The following MTARC1 variants were observed in gnomAD, a reference collection of about 807,000 sequenced individuals.
MTARC1 encodes the protein mitochondrial amidoxime reducing component 1.
Under a neutral mutation model 33.6 loss-of-function variants are expected in MTARC1, and 24 were observed. The observed-to-expected ratio is 0.72, with a 90% confidence interval of 0.52 to 1.01. MTARC1 has a LOEUF of 1.01. MTARC1 is among the 50% of genes least tolerant of loss of function. The pLI is 0.00. For missense variants in MTARC1, 417 were observed against 445.7 expected, an observed-to-expected ratio of 0.94 and a Z score of 0.58; for synonymous variants, 187 against 189.5, an observed-to-expected ratio of 0.99 and a Z score of 0.11.
rs909601412 is a variant in MTARC1, at chr1:220,813,706, C to T, written c.*288C>T. ...AACTGATTATGGAATAGTTCTTTCT[C>T]CTGCTTCTCCGTTTATCTACCAAGA... On this transcript the variant is annotated 3_prime_UTR_variant, in exon 7 of 7. Coordinates refer to ENST00000366910, the MANE Select transcript of MTARC1 (RefSeq NM_022746.4). 13 of 327,042 alleles carry T rather than the reference C, an allele frequency of 4.0e-5. No individual in the cohort carries two copies. The highest frequency in any genetic ancestry group is 2.5e-4 in the African/African-American group (12 of 47,808). The allele number at this position is 327,042 out of a possible 1,614,324, so 20.3% of individuals were successfully genotyped here.
Position 220,805,185 on chromosome 1 carries a change from C to T in MTARC1, c.816-18C>T. ...GCTCTGCTCTGTCCCCCTTATGATG[C>T]TCTGTGTGTGTGTCCAGATGCATTT... is the stretch of plus-strand genomic sequence containing the variant. On this transcript the variant is annotated intron_variant, in intron 5 of 6. Coordinates refer to ENST00000366910, the MANE Select transcript of MTARC1 (RefSeq NM_022746.4). 2 of 1,614,062 alleles carry T rather than the reference C, an allele frequency of 1.2e-6. No individual in the cohort carries two copies. The highest frequency in any genetic ancestry group is 8.5e-7 in the Non-Finnish European group (1 of 1,180,016).
intron 2 of MTARC1, chr1:220,793,853 G>C (rs1187221580): frequency 6.6e-6 from 1 of 152,214 alleles, no homozygotes; most frequent in Admixed American, 6.6e-5. Context: ...GTGTGCAGGT[G>C]GGGTGCTGGG....
intron 6 of MTARC1, among the ~76,000 whole-genome samples, chr1:220,811,985 TACAGG>T (rs1311968134): frequency 6.6e-6 from 1 of 152,166 alleles, no homozygotes; most frequent in Non-Finnish European, 1.5e-5. Context: ...GCCCTGACAT[TACAGG>T]ACAAGATGTG....
intron 6 of MTARC1, among the ~76,000 whole-genome samples, chr1:220,811,396 C>T (rs1673130161): frequency 6.6e-6 from 1 of 152,238 alleles, no homozygotes; most frequent in African/African-American, 2.4e-5. Context: ...GTGTGAGGCA[C>T]TGTTCCAGGC....
chr1:220,804,917 G>A (rs1246664286), intron 4 of MTARC1, 135 bp from the exon 5 acceptor site: 1 of 936,142 alleles, frequency 1.1e-6, no homozygotes. Context: ...GCAGAGCAGG[G>A]CTGGGGGAGA....
intron 3 of MTARC1, chr1:220,797,628 T>C: frequency 2.0e-6 from 1 of 493,344 alleles, no homozygotes; most frequent in South Asian, 3.0e-5. Context: ...GGCACATGCC[T>C]TGTGGCAGCT....
chr1:220,798,911 G>A (rs572372507), intron 4 of MTARC1: 45 of 985,352 alleles, frequency 4.6e-5, no homozygotes, highest in Middle Eastern at 1.0e-3. Flanking sequence ...TTTGCTGTAC[G>A]GAGGCAAAAC....
chr1:220,809,421 C>T (rs1402493342), intron 6 of MTARC1, among the ~76,000 whole-genome samples: 1 of 152,190 alleles, frequency 6.6e-6, no homozygotes. Flanking sequence ...ACGAACTTGC[C>T]CAGCGGCCAG....
At chr1:220,812,770 G>T (rs1481541522) in intron 6 of MTARC1, among the ~76,000 whole-genome samples, 2 of 151,596 alleles carry the variant, frequency 1.3e-5, no homozygotes, top group Non-Finnish European at 2.9e-5. Context: ...CATTGCCCAG[G>T]CTGGAGCGCA....
rs930115318 is a variant in MTARC1, at chr1:220,815,738, A to T, written c.*2320A>T. The T allele has an allele frequency of 6.6e-6, 1 of 152,236 alleles. No individual in the cohort carries two copies. The highest frequency in any genetic ancestry group is 1.5e-5 in the Non-Finnish European group (1 of 68,044). The allele number at this position is 152,236 out of a possible 1,614,324, so 9.4% of individuals were successfully genotyped here. A position where few individuals can be genotyped will look rare whatever the true frequency, so the allele number is the denominator to read the frequency against. ...CACACTATTCCACTTGAAATATAGA[A>T]TCAGGAATGTAGGCCATCCCAGACT... On this transcript the variant is annotated 3_prime_UTR_variant, in exon 7 of 7. Transcript: ENST00000366910.
chr1:220,797,254 A>G (rs540917570), intron 3 of MTARC1, among the ~76,000 whole-genome samples: 31 of 152,154 alleles, frequency 2.0e-4, no homozygotes, highest in Non-Finnish European at 2.2e-4. Flanking sequence ...CAGGGTTTGT[A>G]GTACCATATA....
At chr1:220,801,634 G>A (rs2102600015) in intron 4 of MTARC1, among the ~76,000 whole-genome samples, 1 of 152,316 alleles carries the variant, frequency 6.6e-6, no homozygotes, top group East Asian at 1.9e-4. Flanking sequence ...GAGGAGGGGA[G>A]CTGAGAGCAC....
chr1:220,799,157 C>T (rs1056264117), intron 4 of MTARC1: 9 of 985,138 alleles, frequency 9.1e-6, no homozygotes, highest in South Asian at 4.7e-5. Flanking sequence ...CAATATCAAT[C>T]GATGGAGGAT....
At chr1:220,794,637 C>T (rs1039651130) in intron 2 of MTARC1, among the ~76,000 whole-genome samples, 4 of 151,820 alleles carry the variant, frequency 2.6e-5, no homozygotes, top group African/African-American at 9.7e-5. Flanking sequence ...AAGGTGACTG[C>T]TCTGAAAGGT....
chr1:220,805,350 A>G (rs1672940393), intron 6 of MTARC1, 76 bp downstream of exon 6: 2 of 1,509,258 alleles, frequency 1.3e-6, no homozygotes, highest in African/African-American at 2.7e-5. Flanking sequence ...CTTAATGTTT[A>G]TAAGAGGAAG....
chr1:220,791,786 C>A, intron 2 of MTARC1, 122 bp downstream of exon 2: 1 of 1,055,860 alleles, frequency 9.5e-7, no homozygotes, highest in Non-Finnish European at 1.3e-6. Context: ...TGCATGTGTA[C>A]CATATACAGA....
At chr1:220,807,424 A>G (rs1049805824) in intron 6 of MTARC1, among the ~76,000 whole-genome samples, 4 of 152,268 alleles carry the variant, frequency 2.6e-5, no homozygotes, top group African/African-American at 4.8e-5. Context: ...TTCTACTAAA[A>G]ATACAAAACT....
rs776958220 is a variant in MTARC1, at chr1:220,813,395, C to A, written c.991C>A (p.Pro331Thr). ...ENPGTIKVGD[P>T]VYLLGQ ...CCCAGGGACCATCAAAGTGGGAGAC[C>A]CTGTGTACCTGCTGGGCCAGTAATG... Residue 331 changes from proline to threonine, a missense_variant, in exon 7 of 7, where the codon CCT (proline) becomes ACT (threonine). By Grantham distance (38) the Pro-to-Thr change is conservative. Transcript: ENST00000366910. The A allele has an allele frequency of 6.2e-7, 1 of 1,614,084 alleles. No homozygotes were observed. Among genetic ancestry groups the A allele is most frequent in the Non-Finnish European group, 8.5e-7 (1 of 1,180,026 alleles).
intron 2 of MTARC1, among the ~76,000 whole-genome samples, chr1:220,795,772 G>A (rs1672593451): frequency 6.6e-6 from 1 of 152,146 alleles, no homozygotes; most frequent in Admixed American, 6.5e-5. Context: ...AGAGGTCTCT[G>A]GACCTAAGGT....
Sources: allele counts gnomAD v4.1 joint callset (sites outside exome capture counted in the v4.1 genomes callset), GRCh38; gene constraint gnomAD v4.1.1; transcripts MANE v1.5; gene names NCBI Gene and HGNC (gene_info 2026-07-23, HGNC 2026-07-21).